The following ANKRD12 variants were observed in gnomAD, a reference collection of about 807,000 sequenced individuals.
ANKRD12 encodes ankyrin repeat domain-containing protein 12.
A neutral mutation model predicts 183.4 loss-of-function variants in ANKRD12; 85 were observed. The observed-to-expected ratio is 0.46, with a 90% CI of 0.39 to 0.56. The LOEUF (loss-of-function observed/expected upper bound fraction) is 0.56, where lower values mean the gene tolerates loss of function less well. ANKRD12 is among the 20% of genes least tolerant of loss of function. The pLI is 0.00. For missense variants in ANKRD12, 2,405 were observed against 2,357.1 expected (o/e 1.02, Z -0.42); for synonymous variants, 914 against 800.2 (o/e 1.14, Z -2.40).
chr18:9,279,887 C>G (rs1022683443), intron 12 of ANKRD12, among the ~76,000 whole-genome samples: 10 of 152,044 alleles, frequency 6.6e-5, no homozygotes, highest in Admixed American at 2.0e-4. Flanking sequence ...TGCTTACTAT[C>G]CAATGTACCT....
chr18:9,211,532 G>C, intron 5 of ANKRD12, 52 bp from the exon 6 acceptor site: 1 of 1,478,638 alleles, frequency 6.8e-7, no homozygotes, highest in East Asian at 2.3e-5. Context: ...ATTTAAATAA[G>C]TATACAGAAT....
intron 1 of ANKRD12, among the ~76,000 whole-genome samples, chr18:9,152,791 C>G (rs1170401668): frequency 6.6e-6 from 1 of 152,076 alleles, no homozygotes; most frequent in Non-Finnish European, 1.5e-5. Context: ...TATTTTCCCT[C>G]TAAGCCAGAT....
At chr18:9,151,909 A>G (rs1415503149) in intron 1 of ANKRD12, among the ~76,000 whole-genome samples, 2 of 152,170 alleles carry the variant, frequency 1.3e-5, no homozygotes, top group Non-Finnish European at 1.5e-5. Flanking sequence ...ATTTCATAAT[A>G]TAGATGATGA....
chr18:9,250,595 C>T (rs576682999), intron 8 of ANKRD12, among the ~76,000 whole-genome samples: 3 of 152,004 alleles, frequency 2.0e-5, no homozygotes, highest in South Asian at 4.2e-4. Flanking sequence ...GGCGCACACC[C>T]GTAGTTCTAG....
intron 7 of ANKRD12, among the ~76,000 whole-genome samples, chr18:9,219,822 T>G (rs532439838): frequency 6.6e-6 from 1 of 151,782 alleles, no homozygotes; most frequent in East Asian, 1.9e-4. Flanking sequence ...TCTTAAGATA[T>G]GGAAACGACT....
At chr18:9,171,267 C>T (rs980468015) in intron 1 of ANKRD12, among the ~76,000 whole-genome samples, 4 of 152,186 alleles carry the variant, frequency 2.6e-5, no homozygotes, top group African/African-American at 7.2e-5. Context: ...TCTTCTGCGT[C>T]GCTGATGCTG....
chr18:9,254,955 C>G lies in ANKRD12; in HGVS notation c.1688C>G (p.Thr563Ser). 6.2e-7 allele frequency: 1 copy of G among 1,606,578 alleles called. No homozygotes were observed. Among genetic ancestry groups the G allele is most frequent in the Non-Finnish European group, 8.5e-7 (1 of 1,177,204 alleles). ...TCAACACCACTAAAACAAGAACATA[C>G]TAAAACATGTTTATCACCAGGAAGT... ...KQSTPLKQEH[T>S]KTCLSPGSSE... The change falls in exon 9 of 13, where the codon ACT becomes AGT. Residue 563 changes from threonine (T) to serine (S), a missense_variant. By Grantham distance (58) the Thr-to-Ser change is moderately conservative. Around this residue, in one of 7 missense-constraint regions of ANKRD12, gnomAD observed 1,983 missense variants for 1,725.9 expected, o/e 1.15. Transcript: ENST00000262126.
In ANKRD12 at chr18:9,257,053, A is replaced by T. The variant is rs367739056; in HGVS notation, c.3786A>T (p.Glu1262Asp). 3.1e-6 allele frequency: 5 copies of T among 1,614,020 alleles called. No homozygotes were observed. The African/African-American group carries it at 6.7e-5, about 22-fold the overall frequency. The change falls in exon 9 of 13, where the codon GAA (glutamate) becomes GAT (aspartate). Residue 1262 changes from glutamate to aspartate, a missense_variant. Glu to Asp is a conservative substitution (Grantham distance 45, BLOSUM62 2). This residue lies in a region of ANKRD12 where 1,983 missense variants were observed against 1,725.9 expected (regional missense o/e 1.15). Transcript: ENST00000262126. ...AATCTCCTGCTCTTCATGAAAGGGA[A>T]TTGGACAGCCTGGCTGACTTGCCGG... is the stretch of plus-strand genomic sequence containing the variant. The part of the protein sequence containing the change: ...IAKSPALHER[E>D]LDSLADLPER...
intron 8 of ANKRD12, among the ~76,000 whole-genome samples, chr18:9,228,251 A>G (rs1402397953): frequency 6.6e-6 from 1 of 152,148 alleles, no homozygotes; most frequent in East Asian, 1.9e-4. Flanking sequence ...GGTTGATTCC[A>G]TATCTTTGCT....
intron 3 of ANKRD12, among the ~76,000 whole-genome samples, chr18:9,198,738 C>T (rs563696506): frequency 2.2e-4 from 34 of 151,942 alleles, no homozygotes; most frequent in African/African-American, 7.5e-4. Context: ...TTAGTAGAGA[C>T]GGAGTTTCAC....
intron 1 of ANKRD12, among the ~76,000 whole-genome samples, chr18:9,144,762 C>G (rs375739679): frequency 6.6e-6 from 1 of 151,906 alleles, no homozygotes; most frequent in African/African-American, 2.4e-5. Flanking sequence ...TATATTGCTT[C>G]CTTTCAAAAC....
Position 9,254,789 on chromosome 18 carries a change from G to A in ANKRD12, c.1522G>A (p.Gly508Arg). Reference protein sequence around the residue: ...TRITNLTVNTGLDCSEKTREE... With the variant: ...TRITNLTVNTRLDCSEKTREE... ...AATAACAAACTTGACAGTAAATACT[G>A]GACTAGATTGTTCAGAAAAGACCAG... The change falls in exon 9 of 13, where the codon GGA (glycine) becomes AGA (arginine). Residue 508 changes from glycine to arginine, a missense_variant. Transcript: ENST00000262126. 6.7e-7 allele frequency: 1 copy of A among 1,488,440 alleles called. No homozygotes were observed. Among genetic ancestry groups the A allele is most frequent in the Non-Finnish European group, 8.9e-7 (1 of 1,122,358 alleles). The allele number at this position is 1,488,440 out of a possible 1,614,324, so 92.2% of individuals were successfully genotyped here. A position where few individuals can be genotyped will look rare whatever the true frequency, so the allele number is the denominator to read the frequency against.
chr18:9,260,026 T>G (rs1259417458), intron 9 of ANKRD12: 1 of 152,178 alleles, frequency 6.6e-6, no homozygotes. Context: ...ACTTTGTACA[T>G]AAAATGCTGT....
chr18:9,263,379 C>T (rs1243068078), intron 9 of ANKRD12, among the ~76,000 whole-genome samples: 1 of 135,892 alleles, frequency 7.4e-6, no homozygotes, highest in Non-Finnish European at 1.6e-5. Context: ...TGATATTTAT[C>T]ATGTCTGCAG....
intron 6 of ANKRD12, among the ~76,000 whole-genome samples, chr18:9,212,299 G>A (rs1009899322): frequency 6.6e-6 from 1 of 151,704 alleles, no homozygotes; most frequent in East Asian, 1.9e-4. Flanking sequence ...CTCCCACACA[G>A]GTTCTTTCTC....
rs1489983809 is a variant in ANKRD12 at position 9,281,855 on chromosome 18, G to A, written c.*729G>A. 6.6e-6 allele frequency: 1 copy of A among 152,586 alleles called. No homozygotes were observed. The highest frequency in any genetic ancestry group is 2.4e-5 in the African/African-American group (1 of 41,446). 9.5% of individuals were successfully genotyped at this position (152,586 alleles called of 1,614,324 possible). On this transcript the variant is annotated 3_prime_UTR_variant, in exon 13 of 13. Transcript: ENST00000262126. Reference sequence around the variant, plus strand: ...AGCATGCAGGTGTTTCAGTTAGCTTGTTTTCATCACCATAACTGCAAAGAT... The same window carrying A: ...AGCATGCAGGTGTTTCAGTTAGCTTATTTTCATCACCATAACTGCAAAGAT...
At chr18:9,157,399 TA>T (rs1418732113) in intron 1 of ANKRD12, among the ~76,000 whole-genome samples, 2 of 151,970 alleles carry the variant, frequency 1.3e-5, no homozygotes, top group African/African-American at 4.8e-5. Context: ...TAGGAAAAGA[TA>T]AAAATTCAAA....
At chr18:9,195,200 G>T (rs1251080724) in intron 2 of ANKRD12, among the ~76,000 whole-genome samples, 1 of 152,132 alleles carries the variant, frequency 6.6e-6, no homozygotes, top group Non-Finnish European at 1.5e-5. Context: ...GGTGGGAGGA[G>T]GGAGAGGATC....
At chr18:9,180,174 T>C (rs1260507546) in intron 1 of ANKRD12, among the ~76,000 whole-genome samples, 5 of 152,176 alleles carry the variant, frequency 3.3e-5, no homozygotes, top group Non-Finnish European at 5.9e-5. Flanking sequence ...TGGTGTGTTG[T>C]CTTAGTGTAT....
Sources: allele counts gnomAD v4.1 joint callset (sites outside exome capture counted in the v4.1 genomes callset), GRCh38; gene constraint gnomAD v4.1.1; regional missense constraint gnomAD v4.1.1; transcripts MANE v1.5; gene names NCBI Gene and HGNC (gene_info 2026-07-23, HGNC 2026-07-21).